The following KALRN variants were observed in gnomAD, a reference collection of about 807,000 sequenced individuals.
KALRN encodes the protein kalirin RhoGEF kinase.
Under a neutral mutation model 353.7 loss-of-function variants are expected in KALRN, and 70 were observed. That is an observed-to-expected ratio of 0.20 (90% CI 0.16 to 0.24). The LOEUF (loss-of-function observed/expected upper bound fraction) is 0.24, where lower values mean the gene tolerates loss of function less well. KALRN is among the 10% of genes least tolerant of loss of function. The probability of loss-of-function intolerance (pLI) is 1.00; values close to 1 mark genes in which losing one functional copy is unlikely to be tolerated. For synonymous variants in KALRN, 1,391 were observed against 1,434.8 expected (o/e 0.97, Z 0.69); for missense variants, 2,791 against 3,756.7 (o/e 0.74, Z 6.72).
chr3:124,345,394 A>G (rs1483445533), intron 9 of KALRN, among the ~76,000 whole-genome samples: 2 of 152,234 alleles, frequency 1.3e-5, no homozygotes, highest in Non-Finnish European at 2.9e-5. Flanking sequence ...CAAGCCAAGT[A>G]AAAATATACT....
In KALRN at chr3:124,562,969, T is replaced by C. The variant is rs1158043091; in HGVS notation, c.5062T>C (p.Cys1688Arg). ...LERPSERPGW[C>R]LVRTTERSPP... ...GCGGCCCAGCGAGCGGCCTGGTTGG[T>C]GTCTGGTCCGTACCACCGAACGGAG... The change falls in exon 34 of 60, where the codon TGT (cysteine) becomes CGT (arginine). Residue 1688 changes from cysteine (C) to arginine (R), a missense_variant. By Grantham distance (180) the Cys-to-Arg change is radical (BLOSUM62 -3). Around this residue, in one of 11 missense-constraint regions of KALRN, gnomAD observed 239 missense variants for 351.3 expected, o/e 0.68. Transcript: ENST00000682506. 7.3e-7 allele frequency: 1 copy of C among 1,367,884 alleles called. No individual in the cohort carries two copies. Among genetic ancestry groups the C allele is most frequent in the Non-Finnish European group, 9.8e-7 (1 of 1,022,008 alleles). The allele number at this position is 1,367,884 out of a possible 1,614,324, so 84.7% of individuals were successfully genotyped here.
intron 1 of KALRN, among the ~76,000 whole-genome samples, chr3:124,186,184 C>A (rs1052704473): frequency 3.3e-5 from 5 of 152,208 alleles, no homozygotes; most frequent in Non-Finnish European, 7.3e-5. Context: ...CTCTGAGGAA[C>A]AGCAATGCCC....
intron 34 of KALRN, among the ~76,000 whole-genome samples, chr3:124,613,799 C>T (rs538275673): frequency 6.6e-6 from 1 of 152,330 alleles, no homozygotes; most frequent in Admixed American, 6.5e-5. Flanking sequence ...GGAAGTGCCT[C>T]ACTGTCTACT....
At chr3:124,298,736 G>A in intron 5 of KALRN, 55 bp from the exon 6 acceptor site, 1 of 1,605,440 alleles carries the variant, frequency 6.2e-7, no homozygotes, top group Non-Finnish European at 8.5e-7. Context: ...TGAAAGTTTT[G>A]CCCTATTCGA....
chr3:124,054,291 G>A (rs192212701), intron 1 of KALRN, among the ~76,000 whole-genome samples: 3 of 151,668 alleles, frequency 2.0e-5, no homozygotes, highest in Admixed American at 2.0e-4. Flanking sequence ...GGGAGGCCAA[G>A]GTGGGAGGAT....
intron 1 of KALRN, among the ~76,000 whole-genome samples, chr3:124,227,167 A>G (rs6802497): frequency 0.044 from 6,746 of 152,230 alleles, 500 homozygotes; most frequent in African/African-American, 0.15. Flanking sequence ...GCACATCTTT[A>G]GTTTCCATTC....
intron 33 of KALRN, among the ~76,000 whole-genome samples, chr3:124,502,692 A>AC (rs1243082134): frequency 1.3e-5 from 2 of 152,118 alleles, no homozygotes; most frequent in Non-Finnish European, 2.9e-5. Flanking sequence ...AGCACAGAAG[A>AC]CCTGGGGTAG....
chr3:124,588,746 C>T (rs916220810), intron 34 of KALRN, among the ~76,000 whole-genome samples: 5 of 152,150 alleles, frequency 3.3e-5, no homozygotes, highest in African/African-American at 1.2e-4. Context: ...AGTTTCTAGT[C>T]AACTTTCATT....
chr3:124,158,566 T>C (rs1049722894), intron 1 of KALRN, among the ~76,000 whole-genome samples: 1 of 152,238 alleles, frequency 6.6e-6, no homozygotes, highest in African/African-American at 2.4e-5. Context: ...TGGGGATTTT[T>C]ATGCAAAGGG....
chr3:124,661,039 G>A, intron 44 of KALRN, 66 bp downstream of exon 44: 2 of 1,261,024 alleles, frequency 1.6e-6, no homozygotes, highest in Non-Finnish European at 2.3e-6. Flanking sequence ...CTCTAGAGGG[G>A]AAAAGATTGT....
chr3:124,603,118 G>T (rs1382032375), intron 34 of KALRN, among the ~76,000 whole-genome samples: 1 of 152,158 alleles, frequency 6.6e-6, no homozygotes, highest in African/African-American at 2.4e-5. Flanking sequence ...TGCCGCCAAA[G>T]CTCTTAACAC....
chr3:124,411,433 CTTT>C (rs61485429), intron 13 of KALRN, among the ~76,000 whole-genome samples: 974 of 51,488 alleles, frequency 0.019, 15 homozygotes, highest in Middle Eastern at 0.17. Flanking sequence ...TTAAATTATG[CTTT>C]TTTTTTTTTT....
Position 124,384,865 on chromosome 3 carries a change from C to T in KALRN, c.1791C>T (p.Asp597=). Residue 597 remains aspartate, a synonymous_variant, in exon 11 of 60, where the codon GAC becomes GAT. Transcript: ENST00000682506. ...GGCAGAATACGTACACCAATGCGGA[C>T]AAGCTCCTAGAAGCAGCAGAGCAGT... ...EVAQNTYTNA[D]KLLEAAEQLA... 6.2e-7 allele frequency: 1 copy of T among 1,606,430 alleles called. No individual in the cohort carries two copies.
chr3:124,595,954 C>A (rs333251), intron 34 of KALRN, among the ~76,000 whole-genome samples: 111,331 of 152,060 alleles, frequency 0.73, 42,135 homozygotes, highest in African/African-American at 0.93. Context: ...ATGATGATTA[C>A]GAACTTGGAA....
At chr3:124,301,790 A>G (rs2077290315) in intron 6 of KALRN, among the ~76,000 whole-genome samples, 1 of 152,192 alleles carries the variant, frequency 6.6e-6, no homozygotes, top group Admixed American at 6.5e-5. Flanking sequence ...GGGAATGTGG[A>G]TTGTTGTGTA....
chr3:124,147,072 G>T (rs951122454), intron 1 of KALRN, among the ~76,000 whole-genome samples: 1 of 151,972 alleles, frequency 6.6e-6, no homozygotes, highest in Non-Finnish European at 1.5e-5. Flanking sequence ...AGATAATAGC[G>T]CTCATCACCA....
At chr3:124,070,175 C>T (rs763266807) in intron 1 of KALRN, among the ~76,000 whole-genome samples, 3 of 152,248 alleles carry the variant, frequency 2.0e-5, no homozygotes, top group East Asian at 3.9e-4. Flanking sequence ...TGCTCTCTAA[C>T]GCTTATGGAC....
At chr3:124,398,080 G>C (rs372468057) in intron 12 of KALRN, among the ~76,000 whole-genome samples, 21 of 152,342 alleles carry the variant, frequency 1.4e-4, no homozygotes, top group African/African-American at 5.1e-4. Flanking sequence ...TATCAGAGCA[G>C]AGACCTAATT....
chr3:124,437,689 CAAAAA>C (rs397876079), intron 17 of KALRN, among the ~76,000 whole-genome samples: 787 of 48,294 alleles, frequency 0.016, 3 homozygotes, highest in Non-Finnish European at 0.022. Flanking sequence ...GATTCCGTCT[CAAAAA>C]AAAAAAAAAA....
Sources: gnomAD v4.1 joint callset for allele counts (sites outside exome capture counted in the v4.1 genomes callset) on GRCh38, gnomAD v4.1.1 for gene constraint, gnomAD v4.1.1 regional missense constraint, MANE v1.5 for transcripts, NCBI Gene and HGNC (gene_info 2026-07-23, HGNC 2026-07-21) for gene names.